The following ZNF704 variants were observed in gnomAD, a reference collection of about 807,000 sequenced individuals.
ZNF704 encodes glucocorticoid induced gene 1.
A neutral mutation model predicts 44.7 loss-of-function variants in ZNF704; 10 were observed. That is an observed-to-expected ratio of 0.22 (90% CI 0.14 to 0.38). ZNF704 has a LOEUF of 0.38. Among genes scored for constraint, ZNF704 ranks in the 10% least tolerant of loss-of-function variants. The pLI is 1.00. For synonymous variants in ZNF704, 211 were observed against 207.6 expected (o/e 1.02, Z -0.14); for missense variants, 390 against 545.5 (o/e 0.71, Z 2.84).
intron 1 of ZNF704, among the ~76,000 whole-genome samples, chr8:80,859,377 T>A (rs1809020736): frequency 6.6e-6 from 1 of 152,190 alleles, no homozygotes; most frequent in Admixed American, 6.5e-5. Flanking sequence ...ATATGGCCAC[T>A]ATTGGTACAG....
At chr8:80,778,732 C>G (rs1303949587) in intron 2 of ZNF704, among the ~76,000 whole-genome samples, 1 of 152,068 alleles carries the variant, frequency 6.6e-6, no homozygotes, top group Non-Finnish European at 1.5e-5. Flanking sequence ...TGGGGGCCAT[C>G]ATCCTTAGCA....
chr8:80,748,134 A>G (rs1314031684), intron 2 of ZNF704, among the ~76,000 whole-genome samples: 1 of 152,230 alleles, frequency 6.6e-6, no homozygotes, highest in African/African-American at 2.4e-5. Flanking sequence ...CATCTGTTTT[A>G]TAGTCAGATG....
At chr8:80,832,436 C>A (rs952450259) in intron 1 of ZNF704, among the ~76,000 whole-genome samples, 10 of 152,134 alleles carry the variant, frequency 6.6e-5, no homozygotes, top group African/African-American at 2.4e-4. Flanking sequence ...TTCCTTCTGC[C>A]TACACTCAAG....
chr8:80,643,133 G>GT lies in ZNF704; in HGVS notation c.1033-5dup, dbSNP rs773849197. ...CCGGATGATGTGTGGGTGACACCTG[G>GT]TGAATACATGGAAAAGAAAGTTGAT... On this transcript the variant is annotated splice_polypyrimidine_tract_variant and splice_region_variant and intron_variant, in intron 7 of 8. Coordinates refer to ENST00000327835, the MANE Select transcript of ZNF704 (RefSeq NM_001033723.3). 9.4e-6 allele frequency: 15 copies of GT among 1,597,086 alleles called. No individual in the cohort carries two copies. The South Asian group carries it at 1.7e-4, about 18-fold the overall frequency.
At position 80,665,083 on chromosome 8, in the gene ZNF704, C is replaced by T; in HGVS notation, c.660-1G>A. 6.2e-7 allele frequency: 1 copy of T among 1,613,778 alleles called. No homozygotes were observed. The stretch of plus-strand genomic sequence containing the variant: ...ACTGTAGTCAGAGTCTCCAACGCGC[C>T]TAATGCAAAAGAGAGTAAAACAATC... On this transcript the variant is annotated splice_acceptor_variant, in intron 5 of 8. Transcript: ENST00000327835. LOFTEE classifies it high-confidence loss of function.
chr8:80,839,166 A>G (rs1808634491), intron 1 of ZNF704, among the ~76,000 whole-genome samples: 1 of 152,198 alleles, frequency 6.6e-6, no homozygotes, highest in South Asian at 2.1e-4. Flanking sequence ...AACTGGACTA[A>G]CTAACCTAAC....
chr8:80,859,746 T>G (rs1418969244), intron 1 of ZNF704, among the ~76,000 whole-genome samples: 1 of 152,180 alleles, frequency 6.6e-6, no homozygotes, highest in Non-Finnish European at 1.5e-5. Context: ...AGACTTTCAC[T>G]CCACAGAATG....
At chr8:80,748,436 A>G (rs1202368300) in intron 2 of ZNF704, among the ~76,000 whole-genome samples, 2 of 152,202 alleles carry the variant, frequency 1.3e-5, no homozygotes, top group Admixed American at 6.5e-5. Flanking sequence ...ATCTGAGTTA[A>G]GGCCATCATC....
chr8:80,722,450 C>A (rs1806387084), intron 2 of ZNF704, among the ~76,000 whole-genome samples: 1 of 152,178 alleles, frequency 6.6e-6, no homozygotes, highest in South Asian at 2.1e-4. Context: ...CAGGTCCTGG[C>A]ACATGGTCAC....
At chr8:80,643,186 G>C in intron 7 of ZNF704, 57 bp from the exon 8 acceptor site, 1 of 1,338,974 alleles carries the variant, frequency 7.5e-7, no homozygotes, top group African/African-American at 1.5e-5. Flanking sequence ...CATGCAGTTA[G>C]TTAACCTTTG....
At chr8:80,859,483 T>C (rs924969594) in intron 1 of ZNF704, among the ~76,000 whole-genome samples, 2 of 152,206 alleles carry the variant, frequency 1.3e-5, no homozygotes, top group Non-Finnish European at 2.9e-5. Context: ...TTCACTCCCA[T>C]GCCATGCTGG....
chr8:80,649,199 C>T (rs1245291518), intron 7 of ZNF704, among the ~76,000 whole-genome samples: 1 of 151,962 alleles, frequency 6.6e-6, no homozygotes, highest in African/African-American at 2.4e-5. Context: ...ATTAGATGGC[C>T]AAATAGGAAC....
intron 4 of ZNF704, among the ~76,000 whole-genome samples, chr8:80,680,818 G>C (rs934218319): frequency 3.9e-5 from 6 of 152,110 alleles, no homozygotes; most frequent in Non-Finnish European, 8.8e-5. Context: ...GATCTTCAAG[G>C]TGTGTGGGGT....
At chr8:80,672,726 T>C (rs1818301746) in intron 4 of ZNF704, among the ~76,000 whole-genome samples, 1 of 151,976 alleles carries the variant, frequency 6.6e-6, no homozygotes, top group Non-Finnish European at 1.5e-5. Flanking sequence ...CACATGGACA[T>C]AAAGATGGAA....
In ZNF704 at chr8:80,849,004, C is replaced by G. The variant is rs921272677; in HGVS notation, c.-22+25567G>C. On this transcript the variant is annotated intron_variant, in intron 1 of 8. Coordinates refer to ENST00000327835, the MANE Select transcript of ZNF704 (RefSeq NM_001033723.3). Reference sequence around the variant, plus strand: ...ATTAAAATAAGCCATCACTACTGTTCCATCTCATACTGAGGGATTAAAAAG... The same window carrying G: ...ATTAAAATAAGCCATCACTACTGTTGCATCTCATACTGAGGGATTAAAAAG... 3.3e-5 allele frequency among the ~76,000 whole-genome samples: 5 copies of G among 152,048 alleles called. No individual in the cohort carries two copies. In the South Asian group the frequency reaches 1.0e-3, roughly 32 times the overall value.
chr8:80,767,018 C>T (rs1441669617), intron 2 of ZNF704, among the ~76,000 whole-genome samples: 2 of 151,954 alleles, frequency 1.3e-5, no homozygotes, highest in Non-Finnish European at 2.9e-5. Context: ...CGGCGCGTGA[C>T]TCTTAGTTTT....
At chr8:80,687,110 T>C in intron 4 of ZNF704, 116 bp downstream of exon 4, 1 of 815,036 alleles carries the variant, frequency 1.2e-6, no homozygotes, top group South Asian at 1.7e-5. Context: ...CGTAAGCTGC[T>C]TCTTTCCACA....
intron 2 of ZNF704, among the ~76,000 whole-genome samples, chr8:80,697,850 C>T (rs576897064): frequency 2.4e-4 from 36 of 152,318 alleles, no homozygotes; most frequent in African/African-American, 7.9e-4. Context: ...AGCACCAGCA[C>T]TAGCAGTTGT....
At chr8:80,837,581 A>C (rs989869142) in intron 1 of ZNF704, among the ~76,000 whole-genome samples, 2 of 142,776 alleles carry the variant, frequency 1.4e-5, no homozygotes, top group African/African-American at 2.9e-5. Context: ...GGTATGCCCG[A>C]AACACTTCTT....
Sources: gnomAD v4.1 joint callset for allele counts (sites outside exome capture counted in the v4.1 genomes callset) on GRCh38, gnomAD v4.1.1 for gene constraint, MANE v1.5 for transcripts, NCBI Gene and HGNC (gene_info 2026-07-23, HGNC 2026-07-21) for gene names.